MLIP: variants seen among roughly 807,000 people sequenced by gnomAD.
MLIP encodes muscular LMNA interacting protein, also known as muscular LMNA-interacting protein.
MLIP carries 79 observed loss-of-function variants against 84.8 expected under a neutral mutation model. That is an observed-to-expected ratio of 0.93 (90% CI 0.78 to 1.12). The LOEUF is 1.12. Ranked by LOEUF, MLIP falls within the 50% of genes most tolerant of loss-of-function variation. The probability of loss-of-function intolerance (pLI) is 0.00; values close to 1 mark genes in which losing one functional copy is unlikely to be tolerated. For missense variants in MLIP, 1,257 were observed against 1,160.6 expected (o/e 1.08, Z -1.21); for synonymous variants, 504 against 463.0 (o/e 1.09, Z -1.14).
intron 9 of MLIP, among the ~76,000 whole-genome samples, chr6:54,183,201 A>C (rs1261420799): frequency 6.6e-6 from 1 of 152,184 alleles, no homozygotes; most frequent in East Asian, 1.9e-4. Context: ...GGTGATGTGC[A>C]ATAATGCAGT....
intron 1 of MLIP, among the ~76,000 whole-genome samples, chr6:54,039,785 T>C (rs1764643295): frequency 6.6e-6 from 1 of 151,986 alleles, no homozygotes; most frequent in Non-Finnish European, 1.5e-5. Context: ...TCTATGTTGA[T>C]TTCTTTGCAT....
At chr6:54,238,209 G>A (rs979693393) in intron 12 of MLIP, among the ~76,000 whole-genome samples, 1 of 152,116 alleles carries the variant, frequency 6.6e-6, no homozygotes, top group Non-Finnish European at 1.5e-5. Context: ...TGGCACATGT[G>A]TCTCAGCTTA....
At chr6:54,185,586 T>C (rs1180958518) in intron 9 of MLIP, among the ~76,000 whole-genome samples, 2 of 152,206 alleles carry the variant, frequency 1.3e-5, no homozygotes, top group Non-Finnish European at 2.9e-5. Context: ...TAGTACAATA[T>C]ACTAAAAAAT....
rs1178467939 is a variant in MLIP at position 54,137,076 on chromosome 6, T to C, written c.1007T>C (p.Val336Ala). The change falls in exon 4 of 14, where the codon GTC (valine) becomes GCC (alanine). Residue 336 changes from valine (V) to alanine (A), a missense_variant. Physicochemically the swap from Val to Ala is moderately conservative, Grantham distance 64. Coordinates refer to ENST00000502396, the MANE Select transcript of MLIP (RefSeq NM_001281747.2). The part of the protein sequence containing the change: ...VLKKTTLTSH[V>A]LSHGESPRTS... ...AAGAAGACAACTTTAACCTCGCATG[T>C]CCTTAGTCACGGAGAAAGTCCGAGA... 1.3e-6 allele frequency: 2 copies of C among 1,536,042 alleles called. No individual in the cohort carries two copies. Among genetic ancestry groups the C allele is most frequent in the East Asian group, 2.4e-5 (1 of 40,906 alleles).
chr6:54,111,244 T>C (rs2150407121), upstream of MLIP, among the ~76,000 whole-genome samples: 1 of 152,356 alleles, frequency 6.6e-6, no homozygotes, highest in South Asian at 2.1e-4. Context: ...TTTTTTTCAC[T>C]TCTACTGATT....
At chr6:54,041,088 A>T (rs1764715576) in intron 1 of MLIP, 1 of 152,114 alleles carries the variant, frequency 6.6e-6, no homozygotes, top group South Asian at 2.1e-4. Context: ...AATTAAAAAC[A>T]AAAAATCTGT....
intron 12 of MLIP, among the ~76,000 whole-genome samples, chr6:54,246,303 C>T (rs906869314): frequency 2.0e-5 from 3 of 152,096 alleles, no homozygotes; most frequent in East Asian, 3.8e-4. Flanking sequence ...AATCTTAATA[C>T]TTTGAGGCTC....
intron 1 of MLIP, chr6:54,059,028 G>A (rs1765814885): frequency 6.6e-6 from 1 of 152,158 alleles, no homozygotes; most frequent in African/African-American, 2.4e-5. Context: ...AAGTCTATAA[G>A]GCAGATATGC....
chr6:54,125,920 T>A (rs980647570), intron 3 of MLIP, among the ~76,000 whole-genome samples: 2 of 151,886 alleles, frequency 1.3e-5, no homozygotes, highest in Admixed American at 6.6e-5. Context: ...TTCACTGAGT[T>A]TCTGATGCTG....
At chr6:54,101,565 C>A (rs1345092724) in intron 1 of MLIP, among the ~76,000 whole-genome samples, 1 of 152,128 alleles carries the variant, frequency 6.6e-6, no homozygotes, top group Non-Finnish European at 1.5e-5. Flanking sequence ...GAACCCAATT[C>A]TGACTCTAAA....
intron 11 of MLIP, chr6:54,217,446 A>T: frequency 1.0e-6 from 1 of 985,436 alleles, no homozygotes; most frequent in Non-Finnish European, 1.2e-6. Flanking sequence ...AATGCATCAG[A>T]TATGGCTATA....
At chr6:54,214,645 T>C (rs1779721871) in intron 11 of MLIP, among the ~76,000 whole-genome samples, 1 of 152,218 alleles carries the variant, frequency 6.6e-6, no homozygotes, top group South Asian at 2.1e-4. Context: ...GTCAAAGTAT[T>C]AACTCTGCCA....
chr6:54,107,987 C>T (rs1204614397), upstream of MLIP, among the ~76,000 whole-genome samples: 2 of 35,682 alleles, frequency 5.6e-5, no homozygotes, highest in African/African-American at 1.5e-4. Context: ...ATTTGTTTCC[C>T]ATGTCAGGAA....
intron 13 of MLIP, among the ~76,000 whole-genome samples, chr6:54,263,510 T>C (rs774087577): frequency 5.3e-5 from 8 of 152,086 alleles, no homozygotes; most frequent in Admixed American, 6.6e-5. Flanking sequence ...TTGTTCTCAA[T>C]ACATGCAGCC....
chr6:54,168,013 G>A (rs1775373985), intron 8 of MLIP, among the ~76,000 whole-genome samples: 1 of 151,758 alleles, frequency 6.6e-6, no homozygotes, highest in Non-Finnish European at 1.5e-5. Context: ...TCTCTCTTCA[G>A]GTTCCCATCC....
chr6:54,042,054 G>A (rs1764774603), intron 1 of MLIP, among the ~76,000 whole-genome samples: 1 of 152,044 alleles, frequency 6.6e-6, no homozygotes, highest in Admixed American at 6.6e-5. Context: ...GTTTGTGGGG[G>A]TAGGGTGGAT....
intron 5 of MLIP, 35 bp downstream of exon 5, chr6:54,149,162 T>G (rs1419272673): frequency 1.9e-6 from 3 of 1,549,208 alleles, no homozygotes; most frequent in Non-Finnish European, 2.7e-6. Flanking sequence ...AATTTTACAT[T>G]TTTAATGTGA....
At chr6:54,173,375 T>A (rs1462404878) in intron 9 of MLIP, among the ~76,000 whole-genome samples, 2 of 151,832 alleles carry the variant, frequency 1.3e-5, no homozygotes, top group Non-Finnish European at 2.9e-5. Flanking sequence ...TCATGCCCAA[T>A]AACCTTCAGC....
At chr6:54,050,944 C>A (rs745416729) in intron 1 of MLIP, among the ~76,000 whole-genome samples, 48 of 152,170 alleles carry the variant, frequency 3.2e-4, no homozygotes, top group Admixed American at 2.0e-4. Flanking sequence ...TTTCTGTCCT[C>A]ATGCTGTTTA....
Sources: allele counts gnomAD v4.1 joint callset (sites outside exome capture counted in the v4.1 genomes callset), GRCh38; gene constraint gnomAD v4.1.1; transcripts MANE v1.5; gene names NCBI Gene and HGNC (gene_info 2026-07-23, HGNC 2026-07-21).